The following TPO variants were observed in gnomAD, a reference collection of about 807,000 sequenced individuals.
TPO encodes thyroid microsomal antigen.
Under a neutral mutation model 96.9 loss-of-function variants are expected in TPO, and 78 were observed. That is an observed-to-expected ratio of 0.81 (90% confidence interval 0.67 to 0.97). The LOEUF (loss-of-function observed/expected upper bound fraction) is 0.97. Ranked by LOEUF, TPO falls within the 50% of genes least tolerant of loss-of-function variation. The probability of loss-of-function intolerance (pLI) is 0.00; values close to 1 mark genes in which losing one functional copy is unlikely to be tolerated. For synonymous variants in TPO, 547 were observed against 538.0 expected, an observed-to-expected ratio of 1.02 and a Z score of -0.23; for missense variants, 1,252 against 1,274.8, an observed-to-expected ratio of 0.98 and a Z score of 0.27.
In TPO at chr2:1,496,684, C is replaced by A. The variant is rs114406277; in HGVS notation, c.2305C>A (p.Arg769=). 6.2e-7 allele frequency: 1 copy of A among 1,613,966 alleles called. No individual in the cohort carries two copies. The change falls in exon 13 of 17, where the codon CGG becomes AGG. Residue 769 remains arginine, a synonymous_variant. Transcript: ENST00000329066. ...SGRRVLVYSC[R]HGYELQGREQ... ...GAGGCGCGTGCTGGTGTATTCCTGC[C>A]GGCACGGGTATGAGCTCCAAGGCCG... is the stretch of plus-strand genomic sequence containing the variant.
chr2:1,442,064 TTC>T (rs879627757), intron 5 of TPO, among the ~76,000 whole-genome samples: 2 of 152,324 alleles, frequency 1.3e-5, no homozygotes, highest in South Asian at 2.1e-4. Flanking sequence ...CAAGCTCTCT[TTC>T]TGCCTGCCGC....
At chr2:1,482,811 C>T (rs1438536156) in intron 8 of TPO, among the ~76,000 whole-genome samples, 1 of 152,096 alleles carries the variant, frequency 6.6e-6, no homozygotes, top group East Asian at 1.9e-4. Context: ...GTAGCTGGGA[C>T]TACAGGTGTA....
At position 1,467,368 on chromosome 2, in the gene TPO, C is replaced by T. The variant is rs147808371; in HGVS notation, c.820-9718C>T. 1.9e-3 allele frequency among the ~76,000 whole-genome samples: 285 copies of T among 152,140 alleles called. 1 individual carries two copies. The highest frequency in any genetic ancestry group is 0.01 in the Middle Eastern group (3 of 294). On this transcript the variant is annotated intron_variant, in intron 7 of 16. Transcript: ENST00000329066. The stretch of plus-strand genomic sequence containing the variant: ...GATCCACCAGCTCAGCCTCCCAAAG[C>T]GCTGGGATTACAGGCATGAGCCACT...
intron 7 of TPO, among the ~76,000 whole-genome samples, chr2:1,472,165 TC>T (rs1224221108): frequency 6.6e-6 from 1 of 152,008 alleles, no homozygotes; most frequent in Non-Finnish European, 1.5e-5. Flanking sequence ...ATCCAAATGC[TC>T]ATGGCATGCC....
chr2:1,484,997 T>A, intron 9 of TPO, 143 bp downstream of exon 9: 2 of 1,336,520 alleles, frequency 1.5e-6, no homozygotes, highest in Non-Finnish European at 2.0e-6. Flanking sequence ...CATGTTGGTT[T>A]GCTGTACCCA....
intron 10 of TPO, among the ~76,000 whole-genome samples, chr2:1,493,330 A>C (rs13423107): frequency 6.6e-6 from 1 of 151,848 alleles, no homozygotes; most frequent in Non-Finnish European, 1.5e-5. Context: ...CAGGCTGGGC[A>C]ATAACAGGAA....
intron 15 of TPO, among the ~76,000 whole-genome samples, chr2:1,527,827 CATACT>C (rs1676948005): frequency 2.0e-5 from 3 of 148,222 alleles, no homozygotes; most frequent in African/African-American, 5.1e-5. Context: ...CTCAAATCCC[CATACT>C]GTGTGCAACC....
At chr2:1,462,420 C>T (rs1173058113) in intron 7 of TPO, among the ~76,000 whole-genome samples, 2 of 151,940 alleles carry the variant, frequency 1.3e-5, no homozygotes, top group Non-Finnish European at 2.9e-5. Context: ...ATAAAGAGCT[C>T]TTATAAAGCA....
intron 5 of TPO, among the ~76,000 whole-genome samples, chr2:1,452,612 T>C (rs1667409923): frequency 1.3e-5 from 2 of 152,238 alleles, no homozygotes; most frequent in Admixed American, 6.5e-5. Context: ...GAATGCCATC[T>C]GGCCCTCAAA....
intron 8 of TPO, chr2:1,478,100 C>T: frequency 6.1e-6 from 6 of 985,422 alleles, no homozygotes; most frequent in Non-Finnish European, 7.2e-6. Flanking sequence ...AATGAAGAAC[C>T]GACTCTGTGT....
At chr2:1,462,589 T>C (rs11886764) in intron 7 of TPO, among the ~76,000 whole-genome samples, 20,607 of 151,906 alleles carry the variant, frequency 0.14, 1,738 homozygotes, top group East Asian at 0.28. Context: ...TTTTTAAACA[T>C]ACAGACTGGA....
intron 15 of TPO, among the ~76,000 whole-genome samples, chr2:1,538,133 A>G (rs1278493690): frequency 4.5e-5 from 5 of 110,918 alleles, no homozygotes; most frequent in Admixed American, 8.9e-5. Context: ...ACTGTGTTCA[A>G]CCTTCTCAAA....
At chr2:1,419,234 G>T (rs1378429084) in intron 2 of TPO, among the ~76,000 whole-genome samples, 38 of 152,112 alleles carry the variant, frequency 2.5e-4, no homozygotes. Flanking sequence ...ATTAAGTCCC[G>T]TGACTCCCTA....
At chr2:1,458,862 T>C (rs1189696437) in intron 7 of TPO, among the ~76,000 whole-genome samples, 1 of 152,198 alleles carries the variant, frequency 6.6e-6, no homozygotes, top group Non-Finnish European at 1.5e-5. Flanking sequence ...TCCCTATTAA[T>C]GAGCATGAGT....
At chr2:1,538,741 A>T (rs1302489030) in intron 15 of TPO, among the ~76,000 whole-genome samples, 2 of 152,204 alleles carry the variant, frequency 1.3e-5, no homozygotes, top group African/African-American at 4.8e-5. Flanking sequence ...GGCTGCCATA[A>T]CAAAGAACCA....
intron 7 of TPO, among the ~76,000 whole-genome samples, chr2:1,457,007 T>C (rs367621502): frequency 1.6e-4 from 2 of 12,198 alleles, no homozygotes; most frequent in African/African-American, 2.2e-4. Context: ...ATGTAGCATG[T>C]ATGATAGTGT....
intron 1 of TPO, among the ~76,000 whole-genome samples, chr2:1,402,919 G>T (rs1041874031): frequency 1.3e-5 from 2 of 152,190 alleles, no homozygotes; most frequent in African/African-American, 4.8e-5. Flanking sequence ...GTTCCCATCT[G>T]CATTTCCACC....
At position 1,537,529 on chromosome 2, in the gene TPO, CTA is replaced by C. The variant is rs1558441683; in HGVS notation, c.2619-3063_2619-3062del. Among the ~76,000 whole-genome samples, 141 of 34,916 alleles carry C rather than the reference CTA, an allele frequency of 4.0e-3. 1 individual carries two copies. Among genetic ancestry groups the C allele is most frequent in the African/African-American group, 0.012 (93 of 8,026 alleles). 22.9% of individuals were successfully genotyped at this position (34,916 alleles called of 152,430 possible). Reference sequence around the variant, plus strand: ...CCCCCCAACTCTGTGCAACCTCCGCCTATCCCCCCCAGTGTGCAACCTCCTGA... The same window carrying C: ...CCCCCCAACTCTGTGCAACCTCCGCCTCCCCCCCAGTGTGCAACCTCCTGA... On this transcript the variant is annotated intron_variant, in intron 15 of 16. Coordinates refer to ENST00000329066, the MANE Select transcript of TPO (RefSeq NM_001206744.2).
In TPO at chr2:1,477,363, T is replaced by C; in HGVS notation, c.1097T>C (p.Phe366Ser). Residue 366 changes from phenylalanine (F) to serine (S), a missense_variant, in exon 8 of 17, where the codon TTC (phenylalanine) becomes TCC (serine). Physicochemically the swap from Phe to Ser is radical, Grantham distance 155 (BLOSUM62 -2). Transcript: ENST00000329066. ...GACTCCGGCCGCGCCTACCTGCCCTTCGTGCCGCCACGCGCGCCTGCGGCC... is the reference window on the plus strand; with the variant it reads ...GACTCCGGCCGCGCCTACCTGCCCTCCGTGCCGCCACGCGCGCCTGCGGCC... ...LRDSGRAYLPFVPPRAPAACA... is the reference protein window; with the variant it reads ...LRDSGRAYLPSVPPRAPAACA... 1 of 1,540,366 alleles carries C rather than the reference T, an allele frequency of 6.5e-7. No individual in the cohort carries two copies. The highest frequency in any genetic ancestry group is 8.8e-7 in the Non-Finnish European group (1 of 1,140,702).
Sources: allele counts gnomAD v4.1 joint callset (sites outside exome capture counted in the v4.1 genomes callset), GRCh38; gene constraint gnomAD v4.1.1; transcripts MANE v1.5; gene names NCBI Gene and HGNC (gene_info 2026-07-23, HGNC 2026-07-21).